The following PLXNB2 variants were observed in gnomAD, a reference collection of about 807,000 sequenced individuals.
PLXNB2 encodes the protein plexin-B2.
In PLXNB2, 85 loss-of-function variants were observed where a neutral mutation model predicts 202.6. That is an observed-to-expected ratio of 0.42 (90% CI 0.35 to 0.50). The LOEUF is 0.50. Ranked by LOEUF, PLXNB2 falls within the 20% of genes least tolerant of loss-of-function variation. The pLI is 0.02. For missense variants in PLXNB2, 2,063 were observed against 2,586.2 expected, an observed-to-expected ratio of 0.80 and a Z score of 4.39; for synonymous variants, 1,239 against 1,137.6, an observed-to-expected ratio of 1.09 and a Z score of -1.79.
intron 35 of PLXNB2, 128 bp downstream of exon 35, chr22:50,276,501 C>T (rs1457301703): frequency 2.5e-5 from 20 of 793,912 alleles, no homozygotes; most frequent in South Asian, 1.8e-4. Flanking sequence ...GAGCCCACCT[C>T]GAGGTCCCGC....
rs746362138 is a variant in PLXNB2 at position 50,280,605 on chromosome 22, C to T, written c.4059G>A (p.Leu1353=). The T allele has an allele frequency of 1.6e-5, 25 of 1,612,740 alleles. 2 individuals are homozygous for T. In the South Asian group the frequency reaches 2.7e-4, roughly 18 times the overall value. Residue 1353 remains leucine, a synonymous_variant, in exon 25 of 37, where the codon CTG becomes CTA. Transcript: ENST00000359337. The stretch of plus-strand genomic sequence containing the variant: ...GTTTCCCGTGCAGCGCCACCGTCAG[C>T]AGGGACGCGAAGTAGACCTTGGCGC... ...SARAKVYFAS[L]LTVALHGKLE...
At chr22:50,280,461 C>T (rs1453414482) in intron 25 of PLXNB2, 28 bp downstream of exon 25, 1 of 1,574,968 alleles carries the variant, frequency 6.3e-7, no homozygotes, top group African/African-American at 1.3e-5. Flanking sequence ...CCGCCCGTGG[C>T]CCCGCTCGTG....
Position 50,284,073 on chromosome 22 carries a change from CCCA to C in PLXNB2, c.2263+56_2263+58del. On this transcript the variant is annotated intron_variant, in intron 13 of 36. Transcript: ENST00000359337. The surrounding 1 kb of genome is among the most constrained non-coding windows in gnomAD (Gnocchi z 8.0). ...CCCACTGCGCCCACCTGTCCCCCCA[CCCA>C]CCGCCTTGTGCCCACCCGTCCCCTG... 2.0e-6 allele frequency: 3 copies of C among 1,535,460 alleles called. No individual in the cohort carries two copies. Among genetic ancestry groups the C allele is most frequent in the Non-Finnish European group, 1.8e-6 (2 of 1,141,706 alleles).
intron 1 of PLXNB2, among the ~76,000 whole-genome samples, chr22:50,299,899 A>T (rs1009066268): frequency 1.3e-5 from 2 of 152,120 alleles, no homozygotes; most frequent in Non-Finnish European, 2.9e-5. Context: ...AGGCCGACCC[A>T]GGTGGCACAG....
chr22:50,279,947 G>C (rs916695435), intron 26 of PLXNB2, 58 bp downstream of exon 26: 1 of 1,458,692 alleles, frequency 6.9e-7, no homozygotes, highest in African/African-American at 1.4e-5. Flanking sequence ...AACGCAGGAG[G>C]GGATGGCAGC....
intron 28 of PLXNB2, 33 bp from the exon 29 acceptor site, chr22:50,278,729 G>A: frequency 6.3e-7 from 1 of 1,593,344 alleles, no homozygotes; most frequent in Non-Finnish European, 8.5e-7. Context: ...TTGGGCCCCA[G>A]CCACCCAGGT....
rs142515133 is a variant in PLXNB2 at position 50,288,879 on chromosome 22, C to A, written c.1252-8G>T. On this transcript the variant is annotated splice_polypyrimidine_tract_variant and splice_region_variant and intron_variant, in intron 4 of 36. Coordinates refer to ENST00000359337, the MANE Select transcript of PLXNB2 (RefSeq NM_012401.4). The surrounding 1 kb of genome is among the most constrained non-coding windows in gnomAD (Gnocchi z 5.0). ...ATCTGGGGTGAGGTACACCTGTGTG[C>A]GCGAGGGCAGGCCGGTGAGGGTACG... The A allele has an allele frequency of 3.9e-4, 637 of 1,613,132 alleles. 4 individuals carry two copies. In the East Asian group the frequency reaches 9.1e-3, roughly 23 times the overall value.
chr22:50,292,084 TC>T (rs2066907211), intron 2 of PLXNB2, among the ~76,000 whole-genome samples: 1 of 152,182 alleles, frequency 6.6e-6, no homozygotes. Flanking sequence ...ACGCCTGTAA[TC>T]CCAGCACCTT....
intron 1 of PLXNB2, 97 bp from the exon 2 acceptor site, chr22:50,294,875 A>G (rs2067145289): frequency 3.6e-6 from 2 of 551,844 alleles, no homozygotes; most frequent in Non-Finnish European, 4.6e-6. Flanking sequence ...GGGGGAAGAA[A>G]CATCCCACAG....
At chr22:50,301,522 T>A (rs1002918967) in intron 1 of PLXNB2, 3 of 427,568 alleles carry the variant, frequency 7.0e-6, no homozygotes, top group Non-Finnish European at 9.4e-6. Context: ...CTCAGTCACT[T>A]GGAGTCTCTC....
intron 22 of PLXNB2, 35 bp downstream of exon 22, chr22:50,281,325 C>CT: frequency 6.2e-7 from 1 of 1,608,480 alleles, no homozygotes; most frequent in Non-Finnish European, 8.5e-7. Context: ...GGGCCGAGGG[C>CT]TCAGGGTGTT....
At chr22:50,283,484 A>G in intron 15 of PLXNB2, 39 bp from the exon 16 acceptor site, 4 of 1,337,524 alleles carry the variant, frequency 3.0e-6, no homozygotes, top group Non-Finnish European at 4.2e-6. Context: ...GCACTCCCCG[A>G]CCCACCCCAC....
At chr22:50,277,012 C>T in intron 33 of PLXNB2, 106 bp from the exon 34 acceptor site, 1 of 789,104 alleles carries the variant, frequency 1.3e-6, no homozygotes, top group South Asian at 1.5e-5. Flanking sequence ...ACACTTTCAT[C>T]AAGAAAACTA....
At position 50,276,678 on chromosome 22, in the gene PLXNB2, ACCATCTG is replaced by A; in HGVS notation, c.5281_5287del (p.Gln1761CysfsTer8). 2 of 1,613,648 alleles carry A rather than the reference ACCATCTG, an allele frequency of 1.2e-6. No homozygotes were observed. The highest frequency in any genetic ancestry group is 8.5e-7 in the Non-Finnish European group (1 of 1,179,852). On this transcript the variant is annotated frameshift_variant, in exon 35 of 37. Transcript: ENST00000359337. LOFTEE classifies it high-confidence loss of function. Reference sequence around the variant, plus strand: ...GTTCATGTCCTGGTCGCTGACCTGCACCATCTGCCGGATCCCCTTGTAGTAACTGCAG... The same window carrying A: ...GTTCATGTCCTGGTCGCTGACCTGCACCGGATCCCCTTGTAGTAACTGCAG...
chr22:50,282,893 A>G lies in PLXNB2; in HGVS notation c.2817-12T>C. Reference sequence around the variant, plus strand: ...CCCCAAACTTCGTCCTGGGGGAGGGAGGGTGCTGGTCTGCATCAACCCCTC... The same window carrying G: ...CCCCAAACTTCGTCCTGGGGGAGGGGGGGTGCTGGTCTGCATCAACCCCTC... On this transcript the variant is annotated splice_polypyrimidine_tract_variant and intron_variant, in intron 17 of 36. Coordinates refer to ENST00000359337, the MANE Select transcript of PLXNB2 (RefSeq NM_012401.4). 6.2e-7 allele frequency: 1 copy of G among 1,603,956 alleles called. No homozygotes were observed. Among genetic ancestry groups the G allele is most frequent in the South Asian group, 1.1e-5 (1 of 90,070 alleles).
rs1697709939 is a variant in PLXNB2, at chr22:50,287,247, G to A, written c.1626C>T (p.Ser542=). The A allele has an allele frequency of 1.3e-6, 2 of 1,529,436 alleles. No individual in the cohort carries two copies. Among genetic ancestry groups the A allele is most frequent in the South Asian group, 1.2e-5 (1 of 81,236 alleles). The allele number at this position is 1,529,436 out of a possible 1,614,324, so 94.7% of individuals were successfully genotyped here. The change falls in exon 8 of 37, where the codon AGC becomes AGT. Residue 542 remains serine, a synonymous_variant. Coordinates refer to ENST00000359337, the MANE Select transcript of PLXNB2 (RefSeq NM_012401.4). The stretch of plus-strand genomic sequence containing the variant: ...CCTCCTCGCTCAGGGCAGGGAGGGG[G>A]CTGACGGTCAGCTGCACCTGAGGGA... ...RAQGEVQLTV[S]PLPALSEEDE...
chr22:50,282,378 C>T (rs548333641), intron 18 of PLXNB2, 65 bp from the exon 19 acceptor site: 39 of 1,521,610 alleles, frequency 2.6e-5, no homozygotes, highest in Admixed American at 1.2e-4. Flanking sequence ...TCCGCCCTCC[C>T]GTCCCCGCCC....
At chr22:50,285,926 G>A (rs1375753933) in intron 10 of PLXNB2, 25 bp from the exon 11 acceptor site, 7 of 1,604,994 alleles carry the variant, frequency 4.4e-6, no homozygotes, top group Non-Finnish European at 6.0e-6. Context: ...CTGGTCAGGT[G>A]CTGCCTGGGC....
rs772714834 is a variant in PLXNB2 at position 50,285,845 on chromosome 22, G to C, written c.2043C>G (p.His681Gln). ...TGCCCTGGAAGTTCACATCTGTCTC[G>C]TGGTTCATGGGGATCACCAGGGGGC... ...GPSPLVIPMN[H>Q]ETDVNFQGKN... The change falls in exon 11 of 37, where the codon CAC becomes CAG. Residue 681 changes from histidine (H) to glutamine (Q), a missense_variant. This residue lies in a region of PLXNB2 where 1,303 missense variants were observed against 1,476.8 expected (regional missense o/e 0.88). Coordinates refer to ENST00000359337, the MANE Select transcript of PLXNB2 (RefSeq NM_012401.4). 3 of 1,612,952 alleles carry C rather than the reference G, an allele frequency of 1.9e-6. No homozygotes were observed. Among genetic ancestry groups the C allele is most frequent in the Admixed American group, 1.7e-5 (1 of 60,002 alleles).
Sources: gnomAD v4.1 joint callset for allele counts (sites outside exome capture counted in the v4.1 genomes callset) on GRCh38, gnomAD v4.1.1 for gene constraint, gnomAD v4.1.1 regional missense constraint, Gnocchi (gnomAD v3.1) non-coding constraint, MANE v1.5 for transcripts, NCBI Gene and HGNC (gene_info 2026-07-23, HGNC 2026-07-21) for gene names.